The following KCNMA1 variants were observed in gnomAD, a reference collection of about 807,000 sequenced individuals.
The protein encoded by KCNMA1 is potassium calcium-activated channel subfamily M alpha 1.
A neutral mutation model predicts 140.0 loss-of-function variants in KCNMA1; 29 were observed. The observed-to-expected ratio is 0.21, with a 90% CI of 0.15 to 0.28. The LOEUF is 0.28. Among genes scored for constraint, KCNMA1 ranks in the 10% least tolerant of loss-of-function variants. The pLI, the probability that KCNMA1 is intolerant of heterozygous loss-of-function variation, is 1.00. For missense variants in KCNMA1, 880 were observed against 1,602.2 expected (o/e 0.55, Z 7.70); for synonymous variants, 612 against 611.9 (o/e 1.00, Z 0.00).
At chr10:77,274,267 C>T (rs1419343055) in intron 2 of KCNMA1, among the ~76,000 whole-genome samples, 2 of 152,128 alleles carry the variant, frequency 1.3e-5, no homozygotes, top group African/African-American at 4.8e-5. Flanking sequence ...TCATGTATCA[C>T]ACATGACTAA....
At chr10:76,890,591 T>C (rs1285523559) in intron 26 of KCNMA1, among the ~76,000 whole-genome samples, 2 of 152,200 alleles carry the variant, frequency 1.3e-5, no homozygotes, top group Non-Finnish European at 2.9e-5. Flanking sequence ...TGCAGCACTG[T>C]TTCAGAAAAA....
At position 77,590,659 on chromosome 10, in the gene KCNMA1, G is replaced by C. The variant is rs2078845011; in HGVS notation, c.378+46606C>G. ...CCACAGTGCAGCAGCGGTCTGAAGG[G>C]CTCCTCAAGTGCCGCCAAAGTGGGA... is the stretch of plus-strand genomic sequence containing the variant. On this transcript the variant is annotated intron_variant, in intron 1 of 27. Transcript: ENST00000286628. Among the ~76,000 whole-genome samples, 5 of 152,378 alleles carry C rather than the reference G, an allele frequency of 3.3e-5. 1 individual carries two copies. The Middle Eastern group carries it at 0.014, about 415-fold the overall frequency.
At chr10:77,148,526 T>G (rs2098355596) in intron 5 of KCNMA1, among the ~76,000 whole-genome samples, 2 of 126,008 alleles carry the variant, frequency 1.6e-5, no homozygotes, top group Admixed American at 9.8e-5. Flanking sequence ...AATGAAGTAC[T>G]TGTTTTGGGG....
In KCNMA1 at chr10:77,329,187, C is replaced by A. The variant is rs1197723051; in HGVS notation, c.540+74675G>T. 5.9e-5 allele frequency among the ~76,000 whole-genome samples: 9 copies of A among 152,090 alleles called. No homozygotes were observed. The East Asian group carries it at 1.7e-3, about 29-fold the overall frequency. On this transcript the variant is annotated intron_variant, in intron 2 of 27. Transcript: ENST00000286628. ...CATTGGGCTTCCCCACCTCTTATAC[C>A]CTGACTCTAAAATCATCAAAAAACC...
chr10:77,084,714 C>T lies in KCNMA1; in HGVS notation c.1446G>A (p.Glu482=). 2 of 1,613,140 alleles carry T rather than the reference C, an allele frequency of 1.2e-6. No individual in the cohort carries two copies. Among genetic ancestry groups the T allele is most frequent in the Admixed American group, 1.7e-5 (1 of 60,022 alleles). Residue 482 remains glutamate, a synonymous_variant, in exon 12 of 28, where the codon GAG becomes GAA. Transcript: ENST00000286628. ...CAAGGATCAGGCATGCATCTGCTGACTCTATCTAAGACACCGAAAGGAAAA... is the reference window on the plus strand; with the variant it reads ...CAAGGATCAGGCATGCATCTGCTGATTCTATCTAAGACACCGAAAGGAAAA... ...NPHDLARVKI[E]SADACLILAN... is the part of the protein sequence containing the mutation.
At chr10:77,023,755 T>A (rs2093118286) in intron 16 of KCNMA1, among the ~76,000 whole-genome samples, 1 of 152,190 alleles carries the variant, frequency 6.6e-6, no homozygotes, top group Non-Finnish European at 1.5e-5. Flanking sequence ...GAACTTTTCA[T>A]TTTTTCTGGG....
At chr10:77,627,784 G>A (rs1376599537) in intron 1 of KCNMA1, among the ~76,000 whole-genome samples, 2 of 152,152 alleles carry the variant, frequency 1.3e-5, no homozygotes, top group African/African-American at 4.8e-5. Flanking sequence ...TCGTAAGGTG[G>A]GTTTGTCCCC....
At chr10:77,243,845 G>A (rs935114297) in intron 3 of KCNMA1, among the ~76,000 whole-genome samples, 4 of 152,162 alleles carry the variant, frequency 2.6e-5, no homozygotes, top group African/African-American at 9.7e-5. Flanking sequence ...AAGAGAGGGA[G>A]ACAGTGGGGA....
chr10:76,886,956 G>A lies in KCNMA1; in HGVS notation c.*310C>T, dbSNP rs1393350061. On this transcript the variant is annotated 3_prime_UTR_variant, in exon 28 of 28. Coordinates refer to ENST00000286628, the MANE Select transcript of KCNMA1 (RefSeq NM_001161352.2). ...TCTGCCTAACTGACGTTGATCACAA[G>A]TGCTCCCTTCTAATCTGTGAACTCG... 5 of 1,222,172 alleles carry A rather than the reference G, an allele frequency of 4.1e-6. No individual in the cohort carries two copies. The highest frequency in any genetic ancestry group is 1.6e-5 in the South Asian group (1 of 61,116). The allele number at this position is 1,222,172 out of a possible 1,614,324, so 75.7% of individuals were successfully genotyped here.
intron 3 of KCNMA1, among the ~76,000 whole-genome samples, chr10:77,227,535 A>G (rs142199906): frequency 3.9e-5 from 6 of 152,338 alleles, no homozygotes; most frequent in African/African-American, 1.4e-4. Flanking sequence ...TCATTATTAT[A>G]CCAATCTTAA....
chr10:77,503,884 C>T (rs1394669006), intron 1 of KCNMA1, among the ~76,000 whole-genome samples: 2 of 152,104 alleles, frequency 1.3e-5, no homozygotes, highest in African/African-American at 2.4e-5. Flanking sequence ...AAACACTGTG[C>T]GACATCTTAC....
chr10:77,152,581 G>C (rs2098435963), intron 5 of KCNMA1, among the ~76,000 whole-genome samples: 1 of 152,052 alleles, frequency 6.6e-6, no homozygotes, highest in South Asian at 2.1e-4. Flanking sequence ...AAACAGAAGA[G>C]CCTTGCGACC....
intron 14 of KCNMA1, chr10:77,071,468 G>A (rs1262445417): frequency 1.3e-5 from 2 of 152,200 alleles, no homozygotes; most frequent in Non-Finnish European, 2.9e-5. Flanking sequence ...AAGTTCTCGT[G>A]GTGACAGTCC....
chr10:77,467,490 T>C (rs989913297), intron 1 of KCNMA1, among the ~76,000 whole-genome samples: 1 of 152,230 alleles, frequency 6.6e-6, no homozygotes, highest in East Asian at 1.9e-4. Context: ...GGCAATTTAG[T>C]TGGACTTCAT....
At chr10:76,987,757 T>C (rs2081670943) in intron 19 of KCNMA1, among the ~76,000 whole-genome samples, 1 of 152,170 alleles carries the variant, frequency 6.6e-6, no homozygotes, top group African/African-American at 2.4e-5. Context: ...AGATGATGGA[T>C]GCTTATGTGG....
chr10:76,934,696 C>G (rs575711332), intron 23 of KCNMA1, among the ~76,000 whole-genome samples: 1 of 152,238 alleles, frequency 6.6e-6, no homozygotes, highest in South Asian at 2.1e-4. Flanking sequence ...AGGTAGTTGA[C>G]CTATCCTTAT....
intron 2 of KCNMA1, among the ~76,000 whole-genome samples, chr10:77,327,339 G>A (rs1220202556): frequency 1.3e-5 from 2 of 151,458 alleles, no homozygotes; most frequent in East Asian, 3.9e-4. Flanking sequence ...CTTTGCTGCT[G>A]TTTTTGTTGT....
chr10:76,999,513 C>G (rs2085490929), intron 19 of KCNMA1, among the ~76,000 whole-genome samples: 1 of 152,192 alleles, frequency 6.6e-6, no homozygotes, highest in Non-Finnish European at 1.5e-5. Flanking sequence ...ACCTCAGGCC[C>G]TCCTCTGCTC....
chr10:77,573,657 A>G (rs59274585), intron 1 of KCNMA1, among the ~76,000 whole-genome samples: 1,622 of 49,454 alleles, frequency 0.033, 22 homozygotes, highest in African/African-American at 0.086. Context: ...AGAATAGAAT[A>G]GAATAGAATA....
Sources: allele counts gnomAD v4.1 joint callset (sites outside exome capture counted in the v4.1 genomes callset), GRCh38; gene constraint gnomAD v4.1.1; transcripts MANE v1.5; gene names NCBI Gene and HGNC (gene_info 2026-07-23, HGNC 2026-07-21).